TCTN1: variants seen among roughly 807,000 people sequenced by gnomAD.
TCTN1 encodes tectonic-1.
In TCTN1, 58 loss-of-function variants were observed where a neutral mutation model predicts 65.8. The observed-to-expected ratio is 0.88, with a 90% confidence interval of 0.71 to 1.10. TCTN1 has a LOEUF of 1.10. TCTN1 is among the 50% of genes least tolerant of loss of function. The pLI is 0.00. For missense variants in TCTN1, 645 were observed against 719.4 expected (o/e 0.90, Z 1.18); for synonymous variants, 273 against 289.1 (o/e 0.94, Z 0.57).
At chr12:110,642,413 T>A (rs2067018156) in intron 11 of TCTN1, 24 bp downstream of exon 11, 2 of 1,614,080 alleles carry the variant, frequency 1.2e-6, no homozygotes, top group South Asian at 2.2e-5. Flanking sequence ...TTGTTTCTGT[T>A]TGAACTTGTG....
intron 13 of TCTN1, 30 bp downstream of exon 13, chr12:110,647,366 T>C: frequency 6.2e-7 from 1 of 1,613,776 alleles, no homozygotes; most frequent in Non-Finnish European, 8.5e-7. Context: ...AAGGCATAGG[T>C]TAAGACAGAA....
chr12:110,639,464 G>A lies in TCTN1; in HGVS notation c.844-919G>A, dbSNP rs1482270449. On this transcript the variant is annotated intron_variant, in intron 7 of 14. Coordinates refer to ENST00000397659, the MANE Select transcript of TCTN1 (RefSeq NM_001082538.3). The surrounding 1 kb of genome is among the most constrained non-coding windows in gnomAD (Gnocchi z 4.9). The stretch of plus-strand genomic sequence containing the variant: ...TGTGTGTGTGTGTGTGTGTGTGTAT[G>A]TGTGTGTGAGCGTGCTTGCGCTTGT... Among the ~76,000 whole-genome samples, 1 of 151,282 alleles carries A rather than the reference G, an allele frequency of 6.6e-6. No homozygotes were observed. Among genetic ancestry groups the A allele is most frequent in the East Asian group, 1.9e-4 (1 of 5,166 alleles).
At chr12:110,614,443 A>T (rs1234178655) in intron 1 of TCTN1, 41 bp downstream of exon 1, 4 of 1,565,390 alleles carry the variant, frequency 2.6e-6, no homozygotes, top group Admixed American at 1.9e-5. Flanking sequence ...ACAGTGATCC[A>T]ACCTCAAGGG....
At position 110,640,733 on chromosome 12, in the gene TCTN1, G is replaced by T. The variant is rs2066900844; in HGVS notation, c.978+216G>T. ...TGCCGGAATACATCAAAATATTTTT[G>T]TTGTTGCTGTTTTTGTTTTAACATG... is the stretch of plus-strand genomic sequence containing the variant. On this transcript the variant is annotated intron_variant, in intron 8 of 14. Transcript: ENST00000397659. This position sits in a 1 kb window ranked among gnomAD's most constrained non-coding sequence, Gnocchi z 4.9. Among the ~76,000 whole-genome samples the T allele has an allele frequency of 6.6e-6, 1 of 152,144 alleles. No individual in the cohort carries two copies. Among genetic ancestry groups the T allele is most frequent in the Admixed American group, 6.5e-5 (1 of 15,272 alleles).
rs1837742243 is a variant in TCTN1 at position 110,640,909 on chromosome 12, C to T, written c.979-115C>T. ...AATCCAACTGGACAGCAGAGCAAGG[C>T]TTCAACACATGGAGAAACAGGGAAA... On this transcript the variant is annotated intron_variant, in intron 8 of 14. Coordinates refer to ENST00000397659, the MANE Select transcript of TCTN1 (RefSeq NM_001082538.3). The surrounding 1 kb of genome is among the most constrained non-coding windows in gnomAD (Gnocchi z 4.9). The T allele has an allele frequency of 1.4e-6, 2 of 1,458,610 alleles. No individual in the cohort carries two copies. The highest frequency in any genetic ancestry group is 2.8e-5 in the African/African-American group (2 of 72,036). The allele number at this position is 1,458,610 out of a possible 1,614,324, so 90.4% of individuals were successfully genotyped here. A position where few individuals can be genotyped will look rare whatever the true frequency, so the allele number is the denominator to read the frequency against.
At chr12:110,647,983 T>G (rs1593401939) in intron 14 of TCTN1, 90 bp downstream of exon 14, 1 of 1,581,088 alleles carries the variant, frequency 6.3e-7, no homozygotes, top group Non-Finnish European at 8.6e-7. Context: ...ATACTGCATT[T>G]TATACTTTTT....
chr12:110,633,483 A>C (rs927742188), intron 5 of TCTN1, among the ~76,000 whole-genome samples: 3 of 152,014 alleles, frequency 2.0e-5, no homozygotes, highest in African/African-American at 4.8e-5. Flanking sequence ...TAAAAAATAC[A>C]AAAATTAGCC....
At position 110,639,137 on chromosome 12, in the gene TCTN1, G is replaced by A. The variant is rs1328753308; in HGVS notation, c.844-1246G>A. 1.3e-5 allele frequency among the ~76,000 whole-genome samples: 2 copies of A among 152,228 alleles called. No individual in the cohort carries two copies. Among genetic ancestry groups the A allele is most frequent in the Admixed American group, 1.3e-4 (2 of 15,282 alleles). ...CATTTTGAATTATAAACAGCATGGT[G>A]CATGATTGAGTGCAAGTTCAAAGTG... On this transcript the variant is annotated intron_variant, in intron 7 of 14. Coordinates refer to ENST00000397659, the MANE Select transcript of TCTN1 (RefSeq NM_001082538.3). This position sits in a 1 kb window ranked among gnomAD's most constrained non-coding sequence, Gnocchi z 4.9.
intron 2 of TCTN1, 129 bp downstream of exon 2, chr12:110,620,085 C>T: frequency 2.2e-6 from 3 of 1,374,610 alleles, no homozygotes; most frequent in Non-Finnish European, 3.1e-6. Flanking sequence ...CGTTCTGAAG[C>T]CATACCGTCC....
At chr12:110,634,899 C>G (rs768413038) in intron 6 of TCTN1, 120 bp downstream of exon 6, 4 of 733,936 alleles carry the variant, frequency 5.5e-6, no homozygotes, top group Non-Finnish European at 9.3e-6. Context: ...GTTTAAATTT[C>G]TCCAGTACTT....
rs2065406446 is a variant in TCTN1 at position 110,621,207 on chromosome 12, G to A, written c.341+1251G>A. 2.6e-5 allele frequency among the ~76,000 whole-genome samples: 4 copies of A among 152,278 alleles called. No individual in the cohort carries two copies. In the South Asian group the frequency reaches 8.3e-4, roughly 32 times the overall value. On this transcript the variant is annotated intron_variant, in intron 2 of 14. Transcript: ENST00000397659. ...TAGCTAATTTAAATTTAGCCTTATA[G>A]CAAGTTTTAGCAATTGATACTTGAT...
intron 3 of TCTN1, among the ~76,000 whole-genome samples, chr12:110,627,172 A>G (rs1301624221): frequency 3.0e-5 from 4 of 133,360 alleles, no homozygotes; most frequent in Non-Finnish European, 4.7e-5. Flanking sequence ...TTCTCAGCTC[A>G]CTGCAACCTC....
chr12:110,636,685 T>C (rs1211657693), intron 7 of TCTN1, among the ~76,000 whole-genome samples, 184 bp downstream of exon 7: 1 of 152,188 alleles, frequency 6.6e-6, no homozygotes, highest in Non-Finnish European at 1.5e-5. Flanking sequence ...GTCACACTTC[T>C]GGGCTTCCCA....
intron 13 of TCTN1, 181 bp downstream of exon 13, chr12:110,647,517 GGT>G: frequency 1.0e-6 from 1 of 993,600 alleles, no homozygotes; most frequent in Non-Finnish European, 1.5e-6. Flanking sequence ...TTAGCATTCT[GGT>G]TCAGATTGGA....
intron 1 of TCTN1, 93 bp downstream of exon 1, chr12:110,614,495 T>C (rs541013284): frequency 1.5e-4 from 230 of 1,543,278 alleles, no homozygotes; most frequent in East Asian, 1.2e-3. Flanking sequence ...CTAACTCTTA[T>C]TGAGCACTTA....
intron 12 of TCTN1, 193 bp downstream of exon 12, chr12:110,645,322 C>G: frequency 1.5e-6 from 1 of 665,880 alleles, no homozygotes; most frequent in South Asian, 1.8e-5. Flanking sequence ...GGCTTTGAGC[C>G]TCTGTTTTCA....
At chr12:110,619,418 A>G (rs2065266004) in intron 1 of TCTN1, among the ~76,000 whole-genome samples, 1 of 152,196 alleles carries the variant, frequency 6.6e-6, no homozygotes, top group African/African-American at 2.4e-5. Flanking sequence ...TCTGAATCGT[A>G]ATCTCTAGAG....
intron 4 of TCTN1, chr12:110,629,207 A>C: frequency 2.0e-6 from 1 of 496,396 alleles, no homozygotes; most frequent in Non-Finnish European, 3.5e-6. Context: ...TGAGTAAAAC[A>C]ACCAAAAGCA....
Position 110,644,991 on chromosome 12 carries a change from G to T in TCTN1, c.1356G>T (p.Gln452His). ...GACTGACTGGAGCTCTCCCGTGTCA[G>T]CTCGTAGCACAGAAGGTGAAGAGCC... Reference protein sequence around the residue: ...KLRLTGALPCQLVAQKVKSLL... With the variant: ...KLRLTGALPCHLVAQKVKSLL... Residue 452 changes from glutamine to histidine, a missense_variant, in exon 12 of 15, where the codon CAG becomes CAT. Physicochemically the swap from Gln to His is conservative, Grantham distance 24. Coordinates refer to ENST00000397659, the MANE Select transcript of TCTN1 (RefSeq NM_001082538.3). The surrounding 1 kb of genome is among the most constrained non-coding windows in gnomAD (Gnocchi z 4.6). 1 of 1,614,228 alleles carries T rather than the reference G, an allele frequency of 6.2e-7. No individual in the cohort carries two copies. The highest frequency in any genetic ancestry group is 8.5e-7 in the Non-Finnish European group (1 of 1,180,056).
Sources: allele counts gnomAD v4.1 joint callset (sites outside exome capture counted in the v4.1 genomes callset), GRCh38; gene constraint gnomAD v4.1.1; non-coding constraint Gnocchi (gnomAD v3.1); transcripts MANE v1.5; gene names NCBI Gene and HGNC (gene_info 2026-07-23, HGNC 2026-07-21).